The following ARFGEF1 variants were observed in gnomAD, a reference collection of about 807,000 sequenced individuals.
ARFGEF1 encodes the protein brefeldin A-inhibited guanine nucleotide-exchange protein 1.
ARFGEF1 carries 42 observed loss-of-function variants against 231.0 expected under a neutral mutation model. The ratio of observed to expected loss-of-function variants is 0.18; its 90% CI spans 0.14 to 0.24. ARFGEF1 has a LOEUF of 0.24. ARFGEF1 is among the 10% of genes least tolerant of loss of function. The pLI is 1.00. For missense variants in ARFGEF1, 1,345 were observed against 2,192.0 expected, an observed-to-expected ratio of 0.61 and a Z score of 7.72; for synonymous variants, 710 against 732.3, an observed-to-expected ratio of 0.97 and a Z score of 0.49.
intron 34 of ARFGEF1, among the ~76,000 whole-genome samples, chr8:67,206,255 C>T (rs1838512518): frequency 6.6e-6 from 1 of 151,776 alleles, no homozygotes; most frequent in South Asian, 2.1e-4. Flanking sequence ...ACTAAAAATA[C>T]AAAAATTAGC....
At position 67,226,032 on chromosome 8, in the gene ARFGEF1, A is replaced by G. The variant is rs1321703733; in HGVS notation, c.4068T>C (p.Asp1356=). ...CTAAATGACGCTATACCTGAGGTCT[A>G]TCAGACACATATTTTGCACAATGGC... The part of the protein sequence containing the change: ...LIRHCAKYVS[D]RPQAFKEYTS... The change falls in exon 28 of 39, where the codon GAT becomes GAC. Residue 1356 remains aspartate (D), a synonymous_variant. Coordinates refer to ENST00000262215, the MANE Select transcript of ARFGEF1 (RefSeq NM_006421.5). 2 of 1,606,974 alleles carry G rather than the reference A, an allele frequency of 1.2e-6. No individual in the cohort carries two copies. Among genetic ancestry groups the G allele is most frequent in the Non-Finnish European group, 8.5e-7 (1 of 1,177,030 alleles).
intron 1 of ARFGEF1, among the ~76,000 whole-genome samples, chr8:67,318,677 T>TA (rs574275264): frequency 6.6e-5 from 10 of 152,210 alleles, no homozygotes; most frequent in East Asian, 3.9e-4. Flanking sequence ...CCCAAAATTT[T>TA]AAAAAAATAC....
downstream of ARFGEF1, chr8:67,195,230 G>C: frequency 1.5e-6 from 1 of 688,048 alleles, no homozygotes; most frequent in Non-Finnish European, 2.6e-6. Context: ...GGGGTGGGGT[G>C]AGTCTAACCA....
chr8:67,237,659 A>C (rs1313118802), intron 22 of ARFGEF1, among the ~76,000 whole-genome samples: 1 of 152,198 alleles, frequency 6.6e-6, no homozygotes, highest in African/African-American at 2.4e-5. Context: ...ATTTAATCCT[A>C]ACAATCCTAT....
chr8:67,299,495 C>A, intron 3 of ARFGEF1, 140 bp from the exon 4 acceptor site: 2 of 705,944 alleles, frequency 2.8e-6, no homozygotes, highest in South Asian at 2.6e-5. Context: ...TTATCAAAGC[C>A]AAAGCTATAC....
intron 8 of ARFGEF1, among the ~76,000 whole-genome samples, chr8:67,276,465 A>G (rs1228186055): frequency 6.6e-6 from 1 of 152,036 alleles, no homozygotes; most frequent in Non-Finnish European, 1.5e-5. Flanking sequence ...TGACTGTTTT[A>G]TTTTATGCTT....
intron 33 of ARFGEF1, 149 bp downstream of exon 33, chr8:67,216,441 A>C: frequency 1.4e-6 from 1 of 729,660 alleles, no homozygotes; most frequent in Non-Finnish European, 2.1e-6. Context: ...AATTGTAAAA[A>C]AAAAATGTCT....
chr8:67,209,639 G>A (rs750981407), intron 34 of ARFGEF1, among the ~76,000 whole-genome samples: 11 of 152,148 alleles, frequency 7.2e-5, no homozygotes, highest in Non-Finnish European at 1.2e-4. Context: ...AGGAGGCTGT[G>A]GTCTTTTCTA....
intron 17 of ARFGEF1, 82 bp from the exon 18 acceptor site, chr8:67,253,704 AGAG>A: frequency 1.3e-6 from 1 of 757,052 alleles, no homozygotes; most frequent in Non-Finnish European, 1.9e-6. Flanking sequence ...TATTTACATA[AGAG>A]ATTTTGTAAA....
intron 7 of ARFGEF1, among the ~76,000 whole-genome samples, chr8:67,278,924 G>A (rs1240004405): frequency 1.3e-5 from 2 of 152,022 alleles, no homozygotes; most frequent in African/African-American, 4.8e-5. Flanking sequence ...ATATGCTAAT[G>A]TTTGATGTGC....
intron 5 of ARFGEF1, among the ~76,000 whole-genome samples, chr8:67,182,987 T>C (rs77292294): frequency 0.033 from 5,045 of 152,282 alleles, 104 homozygotes; most frequent in Middle Eastern, 0.065. Flanking sequence ...TTTGATACAG[T>C]CCAATTTATC....
At chr8:67,330,580 T>C (rs1808055421) in intron 1 of ARFGEF1, among the ~76,000 whole-genome samples, 1 of 152,214 alleles carries the variant, frequency 6.6e-6, no homozygotes, top group Non-Finnish European at 1.5e-5. Flanking sequence ...TGTTATTTAC[T>C]ATAAAAAATT....
intron 34 of ARFGEF1, among the ~76,000 whole-genome samples, chr8:67,206,575 C>G (rs966050994): frequency 3.3e-5 from 5 of 152,204 alleles, no homozygotes; most frequent in Non-Finnish European, 5.9e-5. Context: ...TGATAGTCCG[C>G]CGGCCCATGT....
Position 67,273,579 on chromosome 8 carries a change from T to C in ARFGEF1, c.1338-1643A>G, listed in dbSNP as rs76997753. 9.1e-4 allele frequency among the ~76,000 whole-genome samples: 139 copies of C among 152,196 alleles called. 3 individuals carry two copies. In the East Asian group the frequency reaches 0.013, roughly 15 times the overall value. Reference sequence around the variant, plus strand: ...GCTACGTAAATCTAATAAGGAATTGTTAATTTCACGTAAATGGGTATCACA... The same window carrying C: ...GCTACGTAAATCTAATAAGGAATTGCTAATTTCACGTAAATGGGTATCACA... On this transcript the variant is annotated intron_variant, in intron 9 of 38. Transcript: ENST00000262215.
chr8:67,323,892 T>C (rs944911737), intron 1 of ARFGEF1, among the ~76,000 whole-genome samples: 1 of 151,828 alleles, frequency 6.6e-6, no homozygotes, highest in African/African-American at 2.4e-5. Context: ...GCTCCGCCCC[T>C]TGAGTTCATG....
Position 67,271,742 on chromosome 8 carries a change from A to G in ARFGEF1, c.1532T>C (p.Leu511Ser). 1 of 1,613,410 alleles carries G rather than the reference A, an allele frequency of 6.2e-7. No individual in the cohort carries two copies. Among genetic ancestry groups the G allele is most frequent in the Non-Finnish European group, 8.5e-7 (1 of 1,179,780 alleles). Residue 511 changes from leucine to serine, a missense_variant, in exon 10 of 39, where the codon TTG becomes TCG. By Grantham distance (145) the Leu-to-Ser change is moderately radical (BLOSUM62 -2). Transcript: ENST00000262215. ...CAGATGTGTCTTGAAATTTGACAAC[A>G]AAGTAAGAAATATAGAAAGAGAAAG... is the stretch of plus-strand genomic sequence containing the variant. ...FELSLSIFLTLLSNFKTHLKM... is the reference protein window; with the variant it reads ...FELSLSIFLTSLSNFKTHLKM...
chr8:67,246,039 A>G (rs1310474154), intron 19 of ARFGEF1, among the ~76,000 whole-genome samples: 2 of 150,462 alleles, frequency 1.3e-5, no homozygotes, highest in Non-Finnish European at 2.9e-5. Flanking sequence ...CAGCAAGAGG[A>G]TACAGCAATT....
At chr8:67,329,483 T>C (rs967447036) in intron 1 of ARFGEF1, among the ~76,000 whole-genome samples, 6 of 150,888 alleles carry the variant, frequency 4.0e-5, no homozygotes, top group Non-Finnish European at 8.9e-5. Flanking sequence ...GAGCCGAGAT[T>C]GTGCCACTGC....
chr8:67,240,745 T>A (rs1839903624), intron 19 of ARFGEF1, among the ~76,000 whole-genome samples: 3 of 152,170 alleles, frequency 2.0e-5, no homozygotes, highest in Non-Finnish European at 1.5e-5. Flanking sequence ...GCCTAATTTT[T>A]AAAAAATAGT....
Sources: allele counts gnomAD v4.1 joint callset (sites outside exome capture counted in the v4.1 genomes callset), GRCh38; gene constraint gnomAD v4.1.1; transcripts MANE v1.5; gene names NCBI Gene and HGNC (gene_info 2026-07-23, HGNC 2026-07-21).